The following SPOCK1 variants were observed in gnomAD, a reference collection of about 807,000 sequenced individuals.
SPOCK1 encodes the protein testican-1.
In SPOCK1, 23 loss-of-function variants were observed where a neutral mutation model predicts 55.3. The observed-to-expected ratio is 0.42, with a 90% CI of 0.30 to 0.59. The LOEUF is 0.59. SPOCK1 is among the 20% of genes least tolerant of loss of function. SPOCK1 has a pLI of 0.22. For missense variants in SPOCK1, 499 were observed against 552.5 expected (o/e 0.90, Z 0.97); for synonymous variants, 226 against 221.0 (o/e 1.02, Z -0.20).
chr5:137,441,378 A>T (rs1386316264), intron 2 of SPOCK1, among the ~76,000 whole-genome samples: 1 of 152,208 alleles, frequency 6.6e-6, no homozygotes, highest in Non-Finnish European at 1.5e-5. Flanking sequence ...ACCTTTCTCC[A>T]GCCTTGGTGT....
At chr5:137,462,249 C>T (rs944844573) in intron 2 of SPOCK1, among the ~76,000 whole-genome samples, 6 of 152,208 alleles carry the variant, frequency 3.9e-5, no homozygotes, top group South Asian at 2.1e-4. Flanking sequence ...CTAGCATGCA[C>T]ATTTCTCCTT....
At chr5:137,455,201 A>G (rs1035419118) in intron 2 of SPOCK1, among the ~76,000 whole-genome samples, 2 of 152,324 alleles carry the variant, frequency 1.3e-5, no homozygotes, top group South Asian at 2.1e-4. Flanking sequence ...CTTCACTTTC[A>G]TCTTCATGAG....
At chr5:137,092,543 T>C (rs1381926954) in intron 5 of SPOCK1, among the ~76,000 whole-genome samples, 1 of 152,216 alleles carries the variant, frequency 6.6e-6, no homozygotes, top group African/African-American at 2.4e-5. Flanking sequence ...GTTCTCTTAC[T>C]GTGTGCCCAC....
At chr5:137,274,490 C>T (rs1340373555) in intron 2 of SPOCK1, among the ~76,000 whole-genome samples, 2 of 152,098 alleles carry the variant, frequency 1.3e-5, no homozygotes, top group Non-Finnish European at 2.9e-5. Context: ...CAATGACTTG[C>T]AATAATGATG....
intron 2 of SPOCK1, among the ~76,000 whole-genome samples, chr5:137,381,610 C>T (rs1751467813): frequency 6.6e-6 from 1 of 152,230 alleles, no homozygotes. Context: ...GGATTGCACC[C>T]TCTGGAGCAA....
At chr5:137,183,378 C>T (rs1000104036) in intron 3 of SPOCK1, among the ~76,000 whole-genome samples, 3 of 152,094 alleles carry the variant, frequency 2.0e-5, no homozygotes, top group Non-Finnish European at 4.4e-5. Context: ...GGCCTGAAAA[C>T]CATGGTTCCC....
intron 3 of SPOCK1, among the ~76,000 whole-genome samples, chr5:137,240,887 A>G (rs1756267396): frequency 6.6e-6 from 1 of 152,226 alleles, no homozygotes; most frequent in African/African-American, 2.4e-5. Context: ...ATAGATCTAA[A>G]TACAAAGTCC....
chr5:137,000,248 C>T (rs145253616), intron 6 of SPOCK1, among the ~76,000 whole-genome samples: 2 of 152,266 alleles, frequency 1.3e-5, no homozygotes, highest in East Asian at 3.9e-4. Flanking sequence ...ATCAGAGCAG[C>T]CCTGGATCAA....
chr5:137,268,784 G>A (rs143478308), intron 2 of SPOCK1, among the ~76,000 whole-genome samples: 105 of 152,328 alleles, frequency 6.9e-4, no homozygotes, highest in African/African-American at 2.2e-3. Context: ...TCCACATACA[G>A]AGGATGGCAT....
chr5:137,454,923 A>G (rs774702691), intron 2 of SPOCK1, among the ~76,000 whole-genome samples: 1 of 152,248 alleles, frequency 6.6e-6, no homozygotes. Context: ...TGAAGCATAT[A>G]TCTATCTATC....
At chr5:137,444,778 C>A (rs1405027531) in intron 2 of SPOCK1, among the ~76,000 whole-genome samples, 2 of 152,194 alleles carry the variant, frequency 1.3e-5, no homozygotes, top group Non-Finnish European at 2.9e-5. Flanking sequence ...CCAGGCCCTA[C>A]AACCAGGCAA....
chr5:137,306,741 T>C (rs1278077819), intron 2 of SPOCK1, among the ~76,000 whole-genome samples: 1 of 151,970 alleles, frequency 6.6e-6, no homozygotes, highest in African/African-American at 2.4e-5. Flanking sequence ...ATGTTTGTAA[T>C]GTGCATAGCT....
intron 2 of SPOCK1, among the ~76,000 whole-genome samples, chr5:137,331,649 A>G (rs1407231241): frequency 6.6e-6 from 1 of 152,134 alleles, no homozygotes; most frequent in African/African-American, 2.4e-5. Context: ...GGGAAGCAAG[A>G]CAGAAAGAAA....
intron 2 of SPOCK1, among the ~76,000 whole-genome samples, chr5:137,339,432 G>A (rs1034301017): frequency 1.4e-4 from 21 of 152,206 alleles, no homozygotes; most frequent in African/African-American, 5.1e-4. Flanking sequence ...AGGCCTTTAA[G>A]ACTGGCCCTG....
intron 5 of SPOCK1, among the ~76,000 whole-genome samples, chr5:137,095,516 T>C (rs756581281): frequency 3.3e-5 from 5 of 152,214 alleles, no homozygotes; most frequent in Non-Finnish European, 5.9e-5. Context: ...TTTGTGAGTG[T>C]TGGTTACCTC....
At chr5:137,174,956 G>A (rs1249227511) in intron 3 of SPOCK1, among the ~76,000 whole-genome samples, 2 of 152,150 alleles carry the variant, frequency 1.3e-5, no homozygotes, top group Admixed American at 1.3e-4. Flanking sequence ...CCACCTTCTT[G>A]ATGTTCTGTG....
At chr5:137,138,649 C>A (rs1754035698) in intron 4 of SPOCK1, among the ~76,000 whole-genome samples, 1 of 151,262 alleles carries the variant, frequency 6.6e-6, no homozygotes, top group South Asian at 2.1e-4. Context: ...GCAGGAGATT[C>A]TAGGCTAGTT....
intron 3 of SPOCK1, among the ~76,000 whole-genome samples, chr5:137,168,515 C>T (rs973996902): frequency 1.3e-5 from 2 of 151,920 alleles, no homozygotes. Context: ...GGAAAAAAAT[C>T]TAATAATCTG....
At chr5:137,212,582 G>C (rs1319495645) in intron 3 of SPOCK1, among the ~76,000 whole-genome samples, 3 of 152,194 alleles carry the variant, frequency 2.0e-5, no homozygotes, top group Non-Finnish European at 2.9e-5. Flanking sequence ...ACTTTGGCCT[G>C]ATTTGCCTGC....
Sources: gnomAD v4.1 joint callset for allele counts (sites outside exome capture counted in the v4.1 genomes callset) on GRCh38, gnomAD v4.1.1 for gene constraint, MANE v1.5 for transcripts, NCBI Gene and HGNC (gene_info 2026-07-23, HGNC 2026-07-21) for gene names.